ULK2: variants seen among roughly 807,000 people sequenced by gnomAD.
ULK2 encodes the protein serine/threonine-protein kinase ULK2.
In ULK2, 76 loss-of-function variants were observed where a neutral mutation model predicts 127.5. That is an observed-to-expected ratio of 0.60 (90% CI 0.50 to 0.72). The LOEUF (loss-of-function observed/expected upper bound fraction) is 0.72. ULK2 is among the 30% of genes least tolerant of loss of function. The pLI, the probability that ULK2 is intolerant of heterozygous loss-of-function variation, is 0.00. For missense variants in ULK2, 1,144 were observed against 1,295.9 expected (o/e 0.88, Z 1.80); for synonymous variants, 452 against 461.9 (o/e 0.98, Z 0.28).
intron 15 of ULK2, among the ~76,000 whole-genome samples, chr17:19,803,760 A>C (rs1176283593): frequency 2.6e-5 from 4 of 152,220 alleles, no homozygotes; most frequent in Non-Finnish European, 2.9e-5. Context: ...CTTATTTTTC[A>C]TCCTTTGGTA....
intron 10 of ULK2, among the ~76,000 whole-genome samples, chr17:19,835,948 C>A (rs948154341): frequency 3.3e-5 from 5 of 151,436 alleles, no homozygotes; most frequent in African/African-American, 4.9e-5. Context: ...ATTGTGAGAC[C>A]CTATCCCTAC....
intron 10 of ULK2, among the ~76,000 whole-genome samples, chr17:19,833,268 A>G (rs1454411560): frequency 1.3e-5 from 2 of 152,176 alleles, no homozygotes; most frequent in African/African-American, 4.8e-5. Context: ...ACAAAGAAGT[A>G]TGGCCCATAC....
Position 19,846,924 on chromosome 17 carries a change from A to G in ULK2, c.296-14T>C. On this transcript the variant is annotated splice_polypyrimidine_tract_variant and intron_variant, in intron 5 of 26. Coordinates refer to ENST00000395544, the MANE Select transcript of ULK2 (RefSeq NM_014683.4). ...GAGTCCCTTTCGCTGGTACAAAAGGAGTCACGTAAATATTTAAGCACACAA... is the reference window on the plus strand; with the variant it reads ...GAGTCCCTTTCGCTGGTACAAAAGGGGTCACGTAAATATTTAAGCACACAA... 1 of 1,595,266 alleles carries G rather than the reference A, an allele frequency of 6.3e-7. No individual in the cohort carries two copies. The highest frequency in any genetic ancestry group is 8.5e-7 in the Non-Finnish European group (1 of 1,170,720).
Position 19,853,508 on chromosome 17 carries a change from G to C in ULK2, c.226-3734C>G, listed in dbSNP as rs140399040. ...TTCTTAATTCATTCTCCACCCCTCA[G>C]GCAGTTTCTATGGTTTATCTCACAG... is the stretch of plus-strand genomic sequence containing the variant. On this transcript the variant is annotated intron_variant, in intron 3 of 26. Transcript: ENST00000395544. Among the ~76,000 whole-genome samples, 3 of 151,486 alleles carry C rather than the reference G, an allele frequency of 2.0e-5. No homozygotes were observed. The East Asian group carries it at 5.8e-4, about 29-fold the overall frequency.
intron 14 of ULK2, among the ~76,000 whole-genome samples, chr17:19,806,559 G>C (rs973897517): frequency 3.9e-5 from 6 of 152,174 alleles, no homozygotes; most frequent in Non-Finnish European, 7.3e-5. Flanking sequence ...GATAGTCTCT[G>C]GACAGGACCT....
At chr17:19,853,168 T>C (rs983010817) in intron 3 of ULK2, among the ~76,000 whole-genome samples, 3 of 151,088 alleles carry the variant, frequency 2.0e-5, no homozygotes, top group Admixed American at 1.3e-4. Flanking sequence ...AAGGTCCCGC[T>C]CTATTACCCA....
chr17:19,785,316 A>G lies in ULK2; in HGVS notation c.2251+621T>C, dbSNP rs149690183. Among the ~76,000 whole-genome samples, 1,368 of 152,262 alleles carry G rather than the reference A, an allele frequency of 9.0e-3. 9 individuals are homozygous for G. The highest frequency in any genetic ancestry group is 0.013 in the Non-Finnish European group (911 of 68,028). On this transcript the variant is annotated intron_variant, in intron 21 of 26. Coordinates refer to ENST00000395544, the MANE Select transcript of ULK2 (RefSeq NM_014683.4). ...AACCTCCACTTCCCAGGTTCAAGTG[A>G]TTCTCCTGCCTCAGCCTCCTGAGTA...
At chr17:19,827,140 A>G (rs2041317023) in intron 10 of ULK2, among the ~76,000 whole-genome samples, 1 of 152,192 alleles carries the variant, frequency 6.6e-6, no homozygotes, top group South Asian at 2.1e-4. Flanking sequence ...ACTTTACAAA[A>G]CATTAAGAAA....
intron 23 of ULK2, 109 bp downstream of exon 23, chr17:19,781,780 G>A (rs944918206): frequency 2.9e-5 from 37 of 1,275,122 alleles, no homozygotes; most frequent in Non-Finnish European, 3.9e-5. Context: ...GAGACTCCTA[G>A]CTTTTAATAA....
chr17:19,776,457 T>C (rs1472009871), intron 26 of ULK2, 50 bp from the exon 27 acceptor site: 7 of 1,454,002 alleles, frequency 4.8e-6, no homozygotes, highest in Non-Finnish European at 5.6e-6. Context: ...AATCACTATA[T>C]TGTCATCTCT....
intron 4 of ULK2, 99 bp from the exon 5 acceptor site, chr17:19,849,504 T>C (rs2152399312): frequency 1.6e-6 from 2 of 1,236,462 alleles, no homozygotes; most frequent in East Asian, 2.6e-5. Context: ...GTATATAATG[T>C]CATGTAAATA....
intron 13 of ULK2, among the ~76,000 whole-genome samples, chr17:19,814,439 T>TATATATATACACACACATATA (rs1491246393): frequency 1.0e-4 from 1 of 10,004 alleles, no homozygotes; most frequent in African/African-American, 2.1e-4. Flanking sequence ...TATATATATA[T>TATATATATACACACACATATA]TTTTTTTTTT....
rs981692157 is a variant in ULK2, at chr17:19,804,638, AT to A, written c.1295+54del. ...GTAACATATCTTCCAATATCAATAA[AT>A]TTTTTTTAAAGGAGATGAAAAAGAA... On this transcript the variant is annotated intron_variant, in intron 15 of 26. Coordinates refer to ENST00000395544, the MANE Select transcript of ULK2 (RefSeq NM_014683.4). The A allele has an allele frequency of 1.1e-4, 164 of 1,527,366 alleles. 1 individual carries two copies. In the Middle Eastern group the frequency reaches 3.9e-3, roughly 36 times the overall value. 94.6% of individuals were successfully genotyped at this position (1,527,366 alleles called of 1,614,324 possible). A position where few individuals can be genotyped will look rare whatever the true frequency, so the allele number is the denominator to read the frequency against.
intron 13 of ULK2, among the ~76,000 whole-genome samples, chr17:19,815,820 G>T (rs550973019): frequency 6.6e-6 from 1 of 151,852 alleles, no homozygotes; most frequent in Non-Finnish European, 1.5e-5. Flanking sequence ...AAACCTGCAC[G>T]TTGTGCACAT....
intron 10 of ULK2, among the ~76,000 whole-genome samples, chr17:19,827,400 G>C (rs1361128964): frequency 2.6e-5 from 4 of 152,180 alleles, no homozygotes; most frequent in Admixed American, 6.5e-5. Flanking sequence ...AAATACCAAT[G>C]TGGGTTTCCC....
chr17:19,801,812 G>A lies in ULK2; in HGVS notation c.1406C>T (p.Thr469Ile). 2 of 1,614,216 alleles carry A rather than the reference G, an allele frequency of 1.2e-6. No homozygotes were observed. Among genetic ancestry groups the A allele is most frequent in the Non-Finnish European group, 1.7e-6 (2 of 1,180,026 alleles). The change falls in exon 16 of 27, where the codon ACT becomes ATT. Residue 469 changes from threonine (T) to isoleucine (I), a missense_variant. By Grantham distance (89) the Thr-to-Ile change is moderately conservative. Transcript: ENST00000395544. ...TAQTVGRRLSTGSSRPYSPSP... is the reference protein window; with the variant it reads ...TAQTVGRRLSIGSSRPYSPSP... ...AGGTGAGTAAGGCCTAGAAGACCCAGTGGAGAGCCTTCGTCCAACTGTCTG... is the reference window on the plus strand; with the variant it reads ...AGGTGAGTAAGGCCTAGAAGACCCAATGGAGAGCCTTCGTCCAACTGTCTG...
chr17:19,808,825 T>C (rs908948894), intron 14 of ULK2, among the ~76,000 whole-genome samples: 3 of 152,228 alleles, frequency 2.0e-5, no homozygotes, highest in Non-Finnish European at 4.4e-5. Context: ...CACTGTTGGT[T>C]GGACTGTAAA....
At chr17:19,847,587 T>C (rs1418404520) in intron 5 of ULK2, among the ~76,000 whole-genome samples, 1 of 152,198 alleles carries the variant, frequency 6.6e-6, no homozygotes, top group African/African-American at 2.4e-5. Context: ...TTTCACTCTG[T>C]CCCCCAGGCT....
At chr17:19,802,063 A>G in intron 15 of ULK2, 141 bp from the exon 16 acceptor site, 1 of 924,370 alleles carries the variant, frequency 1.1e-6, no homozygotes, top group Non-Finnish European at 1.5e-6. Flanking sequence ...TATAAGATGC[A>G]TAAAAAGAGT....
Sources: allele counts gnomAD v4.1 joint callset (sites outside exome capture counted in the v4.1 genomes callset), GRCh38; gene constraint gnomAD v4.1.1; transcripts MANE v1.5; gene names NCBI Gene and HGNC (gene_info 2026-07-23, HGNC 2026-07-21).